The following LSAMP variants were observed in gnomAD, a reference collection of about 807,000 sequenced individuals.
LSAMP encodes limbic system-associated membrane protein.
LSAMP carries 7 observed loss-of-function variants against 38.6 expected under a neutral mutation model. The observed-to-expected ratio is 0.18, with a 90% CI of 0.10 to 0.34. LSAMP has a LOEUF of 0.34. Ranked by LOEUF, LSAMP falls within the 10% of genes least tolerant of loss-of-function variation. LSAMP has a pLI of 1.00. For missense variants in LSAMP, 313 were observed against 420.0 expected, an observed-to-expected ratio of 0.75 and a Z score of 2.23; for synonymous variants, 154 against 166.8, an observed-to-expected ratio of 0.92 and a Z score of 0.59.
At chr3:115,884,740 G>C (rs947031138) in intron 3 of LSAMP, among the ~76,000 whole-genome samples, 1 of 151,992 alleles carries the variant, frequency 6.6e-6, no homozygotes, top group Non-Finnish European at 1.5e-5. Flanking sequence ...AAATATACAC[G>C]CTTTAGCAGA....
chr3:116,248,943 C>T (rs142582519), intron 1 of LSAMP, among the ~76,000 whole-genome samples: 221 of 152,042 alleles, frequency 1.5e-3, no homozygotes, highest in African/African-American at 5.0e-3. Context: ...GTCAGGAGAT[C>T]GAGACCATCC....
chr3:116,337,057 A>AAAT (rs2047929074), intron 1 of LSAMP, among the ~76,000 whole-genome samples: 1 of 151,934 alleles, frequency 6.6e-6, no homozygotes, highest in South Asian at 2.1e-4. Context: ...ATGCTAAATG[A>AAAT]AATAAATCAG....
intron 1 of LSAMP, among the ~76,000 whole-genome samples, chr3:116,232,318 T>C (rs1368253742): frequency 6.6e-6 from 1 of 152,210 alleles, no homozygotes; most frequent in African/African-American, 2.4e-5. Context: ...GTAAGTGTGA[T>C]CGTATGACTT....
At chr3:115,955,967 T>C (rs2107585627) in intron 3 of LSAMP, among the ~76,000 whole-genome samples, 1 of 152,234 alleles carries the variant, frequency 6.6e-6, no homozygotes, top group East Asian at 1.9e-4. Flanking sequence ...AAAGAGTTTT[T>C]ATAGAAAATT....
intron 1 of LSAMP, among the ~76,000 whole-genome samples, chr3:116,309,969 T>C (rs954701935): frequency 6.6e-6 from 1 of 152,176 alleles, no homozygotes; most frequent in African/African-American, 2.4e-5. Context: ...TCCTTCCTTC[T>C]CTATTTCTCC....
intron 1 of LSAMP, among the ~76,000 whole-genome samples, chr3:116,119,373 ATATG>A (rs1451136417): frequency 5.9e-5 from 9 of 152,118 alleles, no homozygotes; most frequent in African/African-American, 1.9e-4. Flanking sequence ...AGATATATGT[ATATG>A]TATGTTTACA....
chr3:116,337,851 C>T (rs1053064712), intron 1 of LSAMP, among the ~76,000 whole-genome samples: 9 of 151,950 alleles, frequency 5.9e-5, no homozygotes, highest in Non-Finnish European at 1.3e-4. Flanking sequence ...GATCCCACTC[C>T]CAGAGTTGCT....
chr3:116,122,456 CCT>C (rs1342131284), intron 1 of LSAMP, among the ~76,000 whole-genome samples: 1 of 152,118 alleles, frequency 6.6e-6, no homozygotes, highest in East Asian at 1.9e-4. Flanking sequence ...TTCCTGACCC[CCT>C]GTCTGAAGAA....
chr3:116,345,726 T>C lies in LSAMP; in HGVS notation c.155+99151A>G, dbSNP rs189006265. On this transcript the variant is annotated intron_variant, in intron 1 of 6. Coordinates refer to ENST00000490035, the MANE Select transcript of LSAMP (RefSeq NM_002338.5). ...TATACTGACCTAAAGAAGAAAAAAA[T>C]ATATTTTGTTAATATCTAGCCCAGG... 8.5e-5 allele frequency among the ~76,000 whole-genome samples: 13 copies of C among 152,232 alleles called. No homozygotes were observed. In the East Asian group the frequency reaches 2.5e-3, roughly 29 times the overall value.
chr3:116,419,337 C>T (rs984014892), intron 1 of LSAMP, among the ~76,000 whole-genome samples: 4 of 151,870 alleles, frequency 2.6e-5, no homozygotes, highest in African/African-American at 9.7e-5. Flanking sequence ...TTTTTTAATC[C>T]CCTGAATGTG....
chr3:116,132,301 C>A (rs1241360118), intron 1 of LSAMP, among the ~76,000 whole-genome samples: 1 of 151,656 alleles, frequency 6.6e-6, no homozygotes, highest in Non-Finnish European at 1.5e-5. Context: ...GAAAGACAAG[C>A]ATCTTTAACC....
chr3:115,888,533 TAAATC>T (rs1936514109), intron 3 of LSAMP, among the ~76,000 whole-genome samples: 1 of 151,880 alleles, frequency 6.6e-6, no homozygotes, highest in Non-Finnish European at 1.5e-5. Flanking sequence ...TTTTCAGTCT[TAAATC>T]AACACCTTCC....
At chr3:116,123,049 A>T (rs916507584) in intron 1 of LSAMP, among the ~76,000 whole-genome samples, 2 of 152,352 alleles carry the variant, frequency 1.3e-5, no homozygotes, top group African/African-American at 4.8e-5. Context: ...GATCGAGAAA[A>T]GTCAAAAAAA....
chr3:115,864,890 C>T (rs1307672706), intron 3 of LSAMP, among the ~76,000 whole-genome samples: 1 of 152,162 alleles, frequency 6.6e-6, no homozygotes, highest in Non-Finnish European at 1.5e-5. Flanking sequence ...CTCAAACAAG[C>T]ACTTAAATGT....
chr3:116,287,887 G>A (rs575658663), intron 1 of LSAMP, among the ~76,000 whole-genome samples: 26 of 151,866 alleles, frequency 1.7e-4, no homozygotes, highest in Admixed American at 1.5e-3. Context: ...TAAGAACACT[G>A]CACAAGCCTC....
chr3:115,862,094 G>A (rs1352107056), intron 3 of LSAMP, among the ~76,000 whole-genome samples: 1 of 152,162 alleles, frequency 6.6e-6, no homozygotes, highest in African/African-American at 2.4e-5. Flanking sequence ...AAACCTGGGG[G>A]CAGGGGGTTG....
chr3:115,903,618 T>G (rs1331857456), intron 3 of LSAMP, among the ~76,000 whole-genome samples: 1 of 152,198 alleles, frequency 6.6e-6, no homozygotes, highest in Non-Finnish European at 1.5e-5. Context: ...GATGTTCATT[T>G]GGATACATTA....
chr3:116,410,492 AT>A (rs5852010), intron 1 of LSAMP, among the ~76,000 whole-genome samples: 47 of 150,084 alleles, frequency 3.1e-4, no homozygotes, highest in Middle Eastern at 3.4e-3. Context: ...CTAATTAGCC[AT>A]TTTTTTTTTA....
chr3:116,284,817 C>T (rs997005858), intron 1 of LSAMP, among the ~76,000 whole-genome samples: 19 of 152,022 alleles, frequency 1.2e-4, no homozygotes, highest in Non-Finnish European at 2.5e-4. Flanking sequence ...AATTCAACTA[C>T]GTGATTTCTA....
Sources: gnomAD v4.1 joint callset for allele counts (sites outside exome capture counted in the v4.1 genomes callset) on GRCh38, gnomAD v4.1.1 for gene constraint, MANE v1.5 for transcripts, NCBI Gene and HGNC (gene_info 2026-07-23, HGNC 2026-07-21) for gene names.